POTEE: variants seen among roughly 807,000 people sequenced by gnomAD.
The protein encoded by POTEE is ANKRD26-like family C member 1A.
Under a neutral mutation model 74.2 loss-of-function variants are expected in POTEE, and 21 were observed. The observed-to-expected ratio is 0.28, with a 90% CI of 0.20 to 0.41. The LOEUF (loss-of-function observed/expected upper bound fraction) is 0.41, where lower values mean the gene tolerates loss of function less well. Ranked by LOEUF, POTEE falls within the 10% of genes least tolerant of loss-of-function variation. The pLI is 1.00. For missense variants in POTEE, 525 were observed against 1,158.6 expected (o/e 0.45, Z 7.94); for synonymous variants, 211 against 432.8 (o/e 0.49, Z 6.36).
rs1320568849 is a variant in POTEE, at chr2:131,263,580, G to T, written c.2125G>T (p.Val709Phe). The T allele has an allele frequency of 6.2e-7, 1 of 1,603,124 alleles. No homozygotes were observed. Among genetic ancestry groups the T allele is most frequent in the African/African-American group, 1.3e-5 (1 of 74,362 alleles). The change falls in exon 18 of 18, where the codon GTC becomes TTC. Residue 709 changes from valine (V) to phenylalanine (F), a missense_variant. By Grantham distance (50) the Val-to-Phe change is conservative (BLOSUM62 -1). Coordinates refer to ENST00000683005, the MANE Select transcript of POTEE (RefSeq NM_001083538.3). ...LTMDDDTAVL[V>F]IDNGSGMCKA... The stretch of plus-strand genomic sequence containing the variant: ...CATGGATGATGATACCGCCGTGCTC[G>T]TCATTGACAACGGCTCTGGCATGTG...
intron 2 of POTEE, among the ~76,000 whole-genome samples, chr2:131,215,334 A>G (rs1700425504): frequency 1.3e-5 from 2 of 152,208 alleles, no homozygotes; most frequent in South Asian, 4.1e-4. Context: ...CAATGCAATT[A>G]GGATTATTTT....
At position 131,233,442 on chromosome 2, in the gene POTEE, C is replaced by A. The variant is rs928559469; in HGVS notation, c.1126+2536C>A. Among the ~76,000 whole-genome samples the A allele has an allele frequency of 2.8e-4, 43 of 152,220 alleles. 1 individual carries two copies. The highest frequency in any genetic ancestry group is 1.0e-3 in the African/African-American group (42 of 41,486). ...TGGGATTGATGGAAGGTTCTTTACCCTGTAAAGAAACCAGGAGACAAAGGA... is the reference window on the plus strand; with the variant it reads ...TGGGATTGATGGAAGGTTCTTTACCATGTAAAGAAACCAGGAGACAAAGGA... On this transcript the variant is annotated intron_variant, in intron 9 of 17. Coordinates refer to ENST00000683005, the MANE Select transcript of POTEE (RefSeq NM_001083538.3).
Position 131,230,876 on chromosome 2 carries a change from C to T in POTEE, c.1096C>T (p.Leu366=), listed in dbSNP as rs748165198. The change falls in exon 9 of 18, where the codon CTA becomes TTA. Residue 366 remains leucine, a synonymous_variant. Coordinates refer to ENST00000683005, the MANE Select transcript of POTEE (RefSeq NM_001083538.3). ...LLSDYKEKQM[L]KISSENSNPE... ...TTCTGACTACAAAGAAAAACAGATG[C>T]TAAAAATCTCTTCTGAAAACAGCAA... is the stretch of plus-strand genomic sequence containing the variant. 59 of 1,502,420 alleles carry T rather than the reference C, an allele frequency of 3.9e-5. No homozygotes were observed. Among genetic ancestry groups the T allele is most frequent in the Non-Finnish European group, 5.0e-5 (55 of 1,105,190 alleles). The allele number at this position is 1,502,420 out of a possible 1,614,324, so 93.1% of individuals were successfully genotyped here. A position where few individuals can be genotyped will look rare whatever the true frequency, so the allele number is the denominator to read the frequency against.
rs1434651163 is a variant in POTEE at position 131,209,601 on chromosome 2, C to T, written c.-563C>T. 1.3e-5 allele frequency among the ~76,000 whole-genome samples: 2 copies of T among 152,202 alleles called. No individual in the cohort carries two copies. The highest frequency in any genetic ancestry group is 6.5e-5 in the Admixed American group (1 of 15,290). On this transcript the variant is annotated 5_prime_UTR_variant, in exon 1 of 18. Coordinates refer to ENST00000683005, the MANE Select transcript of POTEE (RefSeq NM_001083538.3). ...GCTGCTACCTGTTTCTGGCTGGAGC[C>T]TCGGACACTGGCTCACTGCAGTTGG...
At chr2:131,212,140 A>C (rs561640282) in intron 2 of POTEE, among the ~76,000 whole-genome samples, 146 of 151,904 alleles carry the variant, frequency 9.6e-4, no homozygotes, top group African/African-American at 3.5e-3. Flanking sequence ...TTGTATTTTT[A>C]AAATAACTGG....
At chr2:131,221,289 G>A (rs1700609219) in intron 4 of POTEE, among the ~76,000 whole-genome samples, 1 of 152,062 alleles carries the variant, frequency 6.6e-6, no homozygotes, top group Admixed American at 6.5e-5. Flanking sequence ...AACTATTGAG[G>A]TTGTCAGTAG....
At chr2:131,215,507 T>G (rs1254664755) in intron 2 of POTEE, among the ~76,000 whole-genome samples, 1 of 151,546 alleles carries the variant, frequency 6.6e-6, no homozygotes, top group Non-Finnish European at 1.5e-5. Flanking sequence ...AACAAGGTAA[T>G]AAATAAGCAT....
Position 131,263,942 on chromosome 2 carries a change from C to A in POTEE, c.2487C>A (p.Thr829=), listed in dbSNP as rs747091919. Residue 829 remains threonine (T), a synonymous_variant, in exon 18 of 18, where the codon ACC becomes ACA. Coordinates refer to ENST00000683005, the MANE Select transcript of POTEE (RefSeq NM_001083538.3). ...MTQIMFETFN[T]PAMYVAIQAV... The stretch of plus-strand genomic sequence containing the variant: ...AGATCATGTTTGAGACCTTCAACAC[C>A]CCAGCCATGTACGTGGCCATCCAGG... 1.2e-6 allele frequency: 2 copies of A among 1,614,204 alleles called. No individual in the cohort carries two copies. The highest frequency in any genetic ancestry group is 1.7e-6 in the Non-Finnish European group (2 of 1,180,034).
In POTEE at chr2:131,211,140, G is replaced by A. The variant is rs1400942409; in HGVS notation, c.-232G>A. 1.3e-5 allele frequency among the ~76,000 whole-genome samples: 2 copies of A among 151,918 alleles called. No homozygotes were observed. Among genetic ancestry groups the A allele is most frequent in the Admixed American group, 6.5e-5 (1 of 15,292 alleles). ...GTGGCGTGACTCTGCAGCTCGCCTC[G>A]TGTGACTGATGGCAGCCACGGAGAC... On this transcript the variant is annotated 5_prime_UTR_variant, in exon 2 of 18. The change creates a new upstream start codon in the 5' untranslated region. Transcript: ENST00000683005.
intron 4 of POTEE, among the ~76,000 whole-genome samples, chr2:131,219,879 A>G (rs140906946): frequency 0.014 from 2,176 of 152,280 alleles, 63 homozygotes; most frequent in African/African-American, 0.05. Context: ...ACAGAATGGA[A>G]AAAGTCTGCT....
intron 8 of POTEE, among the ~76,000 whole-genome samples, chr2:131,230,427 T>G (rs558330031): frequency 1.3e-3 from 204 of 152,290 alleles, no homozygotes; most frequent in Non-Finnish European, 2.3e-3. Context: ...AAATGTTATC[T>G]CGTTAAACCT....
At chr2:131,214,215 A>G (rs1324756304) in intron 2 of POTEE, among the ~76,000 whole-genome samples, 15 of 152,252 alleles carry the variant, frequency 9.9e-5, no homozygotes, top group Non-Finnish European at 1.9e-4. Context: ...TCAAAAATCT[A>G]AGGCTCTCCT....
At chr2:131,229,877 C>A (rs1481571062) in intron 8 of POTEE, among the ~76,000 whole-genome samples, 1 of 151,902 alleles carries the variant, frequency 6.6e-6, no homozygotes, top group African/African-American at 2.4e-5. Context: ...ATAACATGTT[C>A]GGTGCAAAAT....
At chr2:131,220,936 G>C (rs1700596765) in intron 4 of POTEE, among the ~76,000 whole-genome samples, 2 of 149,560 alleles carry the variant, frequency 1.3e-5, no homozygotes, top group African/African-American at 4.9e-5. Context: ...ATTCCAGCCT[G>C]GGTGATAGAG....
At chr2:131,256,884 A>T (rs560554120) in intron 16 of POTEE, among the ~76,000 whole-genome samples, 1 of 152,312 alleles carries the variant, frequency 6.6e-6, no homozygotes, top group Non-Finnish European at 1.5e-5. Context: ...TTGAGATTCA[A>T]TTGGGAACAT....
At chr2:131,219,245 T>C (rs1166068518) in intron 4 of POTEE, among the ~76,000 whole-genome samples, 5 of 150,922 alleles carry the variant, frequency 3.3e-5, no homozygotes, top group South Asian at 4.2e-4. Flanking sequence ...CTATACATTA[T>C]AGAAAAGTGT....
At chr2:131,235,354 A>G (rs1435319428) in intron 9 of POTEE, among the ~76,000 whole-genome samples, 1 of 152,034 alleles carries the variant, frequency 6.6e-6, no homozygotes, top group Non-Finnish European at 1.5e-5. Context: ...CGGGACAGAC[A>G]TGTGGAGGAA....
intron 6 of POTEE, among the ~76,000 whole-genome samples, chr2:131,225,480 A>G (rs1217288965): frequency 6.8e-6 from 1 of 147,324 alleles, no homozygotes; most frequent in Admixed American, 6.9e-5. Flanking sequence ...GTAAATTCTT[A>G]TGTCTCAGAA....
chr2:131,210,346 T>C (rs2105054685), intron 1 of POTEE, among the ~76,000 whole-genome samples: 1 of 142,434 alleles, frequency 7.0e-6, no homozygotes, highest in African/African-American at 2.7e-5. Flanking sequence ...GGGGGGGGTA[T>C]TGGGGTTACA....
Sources: allele counts gnomAD v4.1 joint callset (sites outside exome capture counted in the v4.1 genomes callset), GRCh38; gene constraint gnomAD v4.1.1; transcripts MANE v1.5; gene names NCBI Gene and HGNC (gene_info 2026-07-23, HGNC 2026-07-21).